SPECC1L: variants seen among roughly 807,000 people sequenced by gnomAD.
The protein encoded by SPECC1L is sperm antigen with calponin homology and coiled-coil domains 1 like.
SPECC1L carries 40 observed loss-of-function variants against 116.8 expected under a neutral mutation model. That is an observed-to-expected ratio of 0.34 (90% CI 0.27 to 0.45). The LOEUF is 0.45. Among genes scored for constraint, SPECC1L ranks in the 20% least tolerant of loss-of-function variants. The pLI is 1.00. For synonymous variants in SPECC1L, 504 were observed against 500.6 expected, an observed-to-expected ratio of 1.01 and a Z score of -0.09; for missense variants, 1,110 against 1,373.6, an observed-to-expected ratio of 0.81 and a Z score of 3.03.
Position 24,338,421 on chromosome 22 carries a change from C to T in SPECC1L, c.2596C>T (p.Pro866Ser). 2 of 1,614,104 alleles carry T rather than the reference C, an allele frequency of 1.2e-6. No homozygotes were observed. The highest frequency in any genetic ancestry group is 1.7e-6 in the Non-Finnish European group (2 of 1,180,004). Residue 866 changes from proline (P) to serine (S), a missense_variant, in exon 10 of 17, where the codon CCC (proline) becomes TCC (serine). Transcript: ENST00000314328. ...NPAAAAIPRT[P>S]LSPSPMKTPP... ...TGCTGCAGCTGCAATTCCTCGAACG[C>T]CCCTGAGCCCAAGTCCTATGAAAAC...
At chr22:24,358,820 CAAT>C (rs1359448706) in intron 11 of SPECC1L, among the ~76,000 whole-genome samples, 1 of 152,152 alleles carries the variant, frequency 6.6e-6, no homozygotes, top group Non-Finnish European at 1.5e-5. Flanking sequence ...ATTTGGGAAA[CAAT>C]AAAGGGAAAA....
intron 14 of SPECC1L, among the ~76,000 whole-genome samples, chr22:24,408,504 C>CA (rs1377074450): frequency 6.6e-6 from 1 of 152,226 alleles, no homozygotes; most frequent in African/African-American, 2.4e-5. Context: ...GGAGGACTGA[C>CA]ATCAGTGGAT....
intron 3 of SPECC1L, 79 bp from the exon 4 acceptor site, chr22:24,313,234 G>A (rs2040495570): frequency 6.7e-7 from 1 of 1,490,880 alleles, no homozygotes; most frequent in East Asian, 2.3e-5. Context: ...TAGTATAAAA[G>A]TCATGAGCTT....
intron 12 of SPECC1L, among the ~76,000 whole-genome samples, chr22:24,364,488 C>T (rs2041712259): frequency 6.6e-6 from 1 of 151,924 alleles, no homozygotes; most frequent in South Asian, 2.1e-4. Context: ...CATGGCAAAA[C>T]CGTGTGTCTA....
At chr22:24,349,238 GC>G (rs1569430356) in intron 11 of SPECC1L, among the ~76,000 whole-genome samples, 1 of 151,998 alleles carries the variant, frequency 6.6e-6, no homozygotes, top group Non-Finnish European at 1.5e-5. Flanking sequence ...ACGGGGTTTT[GC>G]CATGTTGGCC....
At chr22:24,306,484 G>A (rs2049500773) in intron 3 of SPECC1L, among the ~76,000 whole-genome samples, 1 of 151,986 alleles carries the variant, frequency 6.6e-6, no homozygotes, top group African/African-American at 2.4e-5. Flanking sequence ...GGGCTCAAGC[G>A]GTCTTCAGGC....
chr22:24,287,101 G>C (rs140955639), intron 2 of SPECC1L, among the ~76,000 whole-genome samples: 8,653 of 152,264 alleles, frequency 0.057, 361 homozygotes, highest in Non-Finnish European at 0.089. Context: ...CGGCAGTGGA[G>C]CTGAGTCCTG....
At chr22:24,332,186 C>T (rs932866351) in intron 8 of SPECC1L, among the ~76,000 whole-genome samples, 3 of 152,118 alleles carry the variant, frequency 2.0e-5, no homozygotes, top group Non-Finnish European at 2.9e-5. Flanking sequence ...TGACAGTATT[C>T]GTTGCCAGTG....
intron 14 of SPECC1L, among the ~76,000 whole-genome samples, chr22:24,388,783 TCTTATA>T (rs1250127260): frequency 1.8e-5 from 2 of 109,424 alleles, no homozygotes; most frequent in African/African-American, 7.1e-5. Flanking sequence ...ACCACAGATA[TCTTATA>T]AAAGTTAACT....
intron 10 of SPECC1L, chr22:24,343,590 A>T (rs1169896217): frequency 5.3e-6 from 2 of 379,442 alleles, no homozygotes; most frequent in Admixed American, 6.4e-5. Flanking sequence ...CCCCCTGAGT[A>T]GCTGGGACTA....
intron 10 of SPECC1L, 73 bp downstream of exon 10, chr22:24,338,550 T>C (rs1237754742): frequency 7.6e-7 from 1 of 1,324,180 alleles, no homozygotes; most frequent in African/African-American, 1.4e-5. Context: ...TTCACAGTCA[T>C]TTACACCTGT....
chr22:24,360,245 TTAG>T (rs1327662715), intron 11 of SPECC1L, among the ~76,000 whole-genome samples: 5 of 152,224 alleles, frequency 3.3e-5, no homozygotes, highest in African/African-American at 9.6e-5. Flanking sequence ...GCCAGCCTAC[TTAG>T]TAGAGTAGTA....
intron 14 of SPECC1L, among the ~76,000 whole-genome samples, chr22:24,386,883 C>T (rs1569444440): frequency 1.3e-5 from 2 of 152,116 alleles, no homozygotes. Context: ...GGATTACAGG[C>T]GTGAGCCACT....
At chr22:24,397,201 G>A (rs2042385369) in intron 14 of SPECC1L, among the ~76,000 whole-genome samples, 1 of 152,134 alleles carries the variant, frequency 6.6e-6, no homozygotes, top group Admixed American at 6.5e-5. Context: ...TATCTAGTAG[G>A]TGTAGAAACG....
intron 4 of SPECC1L, among the ~76,000 whole-genome samples, chr22:24,315,979 T>TA (rs1438690139): frequency 6.6e-6 from 1 of 152,202 alleles, no homozygotes; most frequent in African/African-American, 2.4e-5. Flanking sequence ...TTACGTTAAT[T>TA]ACCTCTTTAA....
chr22:24,354,560 C>G (rs766502462), intron 11 of SPECC1L, among the ~76,000 whole-genome samples: 1 of 152,092 alleles, frequency 6.6e-6, no homozygotes, highest in African/African-American at 2.4e-5. Flanking sequence ...ATGCACCTTC[C>G]CTCCACCCCT....
chr22:24,284,638 C>T (rs1242187678), intron 2 of SPECC1L, among the ~76,000 whole-genome samples: 8 of 151,908 alleles, frequency 5.3e-5, no homozygotes, highest in Non-Finnish European at 7.4e-5. Flanking sequence ...GATTTCACCG[C>T]GTTAGCCAGG....
chr22:24,417,565 C>G lies in SPECC1L; in HGVS notation c.*2942C>G, dbSNP rs1043646458. 1.3e-5 allele frequency: 2 copies of G among 152,240 alleles called. No individual in the cohort carries two copies. The highest frequency in any genetic ancestry group is 4.8e-5 in the African/African-American group (2 of 41,428). The allele number at this position is 152,240 out of a possible 1,614,324, so 9.4% of individuals were successfully genotyped here. On this transcript the variant is annotated 3_prime_UTR_variant, in exon 17 of 17. Transcript: ENST00000314328. The stretch of plus-strand genomic sequence containing the variant: ...AGAGCTACCCCCAGGAGAGCGGAAG[C>G]CCCTACACAGCCCAGACACATGCCT...
At chr22:24,320,831 C>T (rs2040706525) in intron 4 of SPECC1L, among the ~76,000 whole-genome samples, 1 of 152,140 alleles carries the variant, frequency 6.6e-6, no homozygotes, top group East Asian at 1.9e-4. Flanking sequence ...CCAGAGACTG[C>T]TTTTCCCTTC....
Sources: allele counts gnomAD v4.1 joint callset (sites outside exome capture counted in the v4.1 genomes callset), GRCh38; gene constraint gnomAD v4.1.1; transcripts MANE v1.5; gene names NCBI Gene and HGNC (gene_info 2026-07-23, HGNC 2026-07-21).